The following F5 variants were observed in gnomAD, a reference collection of about 807,000 sequenced individuals.
F5 encodes the protein coagulation factor V.
Under a neutral mutation model 216.4 loss-of-function variants are expected in F5, and 138 were observed. That is an observed-to-expected ratio of 0.64 (90% CI 0.56 to 0.73). The LOEUF is 0.73. Ranked by LOEUF, F5 falls within the 30% of genes least tolerant of loss-of-function variation. F5 has a pLI of 0.00. For missense variants in F5, 2,403 were observed against 2,674.0 expected (o/e 0.90, Z 2.24); for synonymous variants, 916 against 930.7 (o/e 0.98, Z 0.29).
intron 8 of F5, 120 bp from the exon 9 acceptor site, chr1:169,550,859 T>G (rs1437405951): frequency 4.1e-6 from 3 of 738,348 alleles, no homozygotes; most frequent in Non-Finnish European, 7.2e-6. Context: ...GTACACACAG[T>G]AGGAAAATTA....
Position 169,550,550 on chromosome 1 carries a change from G to C in F5, c.1396+90C>G, listed in dbSNP as rs1660144328. 3 of 940,112 alleles carry C rather than the reference G, an allele frequency of 3.2e-6. 1 individual carries two copies. The highest frequency in any genetic ancestry group is 5.2e-6 in the Non-Finnish European group (3 of 573,884). 58.2% of individuals were successfully genotyped at this position (940,112 alleles called of 1,614,324 possible). ...ACATGTATACTACCTGACTGCAGTA[G>C]TGACACCACCGGGCAAGGAGAATAG... On this transcript the variant is annotated intron_variant, in intron 9 of 24. Coordinates refer to ENST00000367797, the MANE Select transcript of F5 (RefSeq NM_000130.5).
At chr1:169,571,413 G>A (rs888178864) in intron 3 of F5, among the ~76,000 whole-genome samples, 8 of 152,130 alleles carry the variant, frequency 5.3e-5, no homozygotes, top group African/African-American at 1.9e-4. Flanking sequence ...TTATAGATGA[G>A]AAAACTGAGG....
rs754747374 is a variant in F5, at chr1:169,541,109, A to G, written c.3981T>C (p.His1327=). ...GGCTGAAGTCTAGAGAAAGGGTTGTATGGCTGAGGTCTGGAGAAATGGGCA... is the reference window on the plus strand; with the variant it reads ...GGCTGAAGTCTAGAGAAAGGGTTGTGTGGCTGAGGTCTGGAGAAATGGGCA... ...GQMPISPDLS[H]TTLSLDFSQT... Residue 1327 remains histidine (H), a synonymous_variant, in exon 13 of 25, where the codon CAT becomes CAC. Coordinates refer to ENST00000367797, the MANE Select transcript of F5 (RefSeq NM_000130.5). 4 of 1,548,162 alleles carry G rather than the reference A, an allele frequency of 2.6e-6. No individual in the cohort carries two copies. Among genetic ancestry groups the G allele is most frequent in the Non-Finnish European group, 3.5e-6 (4 of 1,145,848 alleles).
intron 19 of F5, 123 bp from the exon 20 acceptor site, chr1:169,524,027 G>A (rs1011146905): frequency 2.5e-6 from 2 of 804,192 alleles, no homozygotes; most frequent in South Asian, 1.4e-5. Context: ...CAGGAGTCTA[G>A]GCATGGGCCT....
chr1:169,558,595 A>C (rs28665365), intron 5 of F5, among the ~76,000 whole-genome samples: 1 of 152,206 alleles, frequency 6.6e-6, no homozygotes, highest in African/African-American at 2.4e-5. Context: ...GAGAAATAGA[A>C]GAGATGTGGT....
At chr1:169,581,336 G>C (rs1660981172) in intron 2 of F5, among the ~76,000 whole-genome samples, 1 of 152,074 alleles carries the variant, frequency 6.6e-6, no homozygotes, top group African/African-American at 2.4e-5. Flanking sequence ...AAGCAGATTA[G>C]GGAAGGAATA....
chr1:169,545,979 G>A (rs367850262), intron 11 of F5, among the ~76,000 whole-genome samples: 4 of 152,140 alleles, frequency 2.6e-5, no homozygotes, highest in African/African-American at 9.7e-5. Flanking sequence ...CTTCATGCAT[G>A]CCTTTCCAAG....
chr1:169,545,910 G>A (rs193129019), intron 11 of F5, among the ~76,000 whole-genome samples: 19 of 152,246 alleles, frequency 1.2e-4, no homozygotes, highest in Admixed American at 3.3e-4. Flanking sequence ...AGCAAATGCC[G>A]GAACCCTCAT....
Position 169,520,727 on chromosome 1 carries a change from A to T in F5, c.6049-63T>A. The T allele has an allele frequency of 3.6e-6, 5 of 1,386,556 alleles. No individual in the cohort carries two copies. In the South Asian group the frequency reaches 6.1e-5, roughly 17 times the overall value. The allele number at this position is 1,386,556 out of a possible 1,614,324, so 85.9% of individuals were successfully genotyped here. A position where few individuals can be genotyped will look rare whatever the true frequency, so the allele number is the denominator to read the frequency against. Reference sequence around the variant, plus strand: ...ATCTATAAAGTGACTTTATATTAAAATTTTGATCTAATTTAATATTGTAAT... The same window carrying T: ...ATCTATAAAGTGACTTTATATTAAATTTTTGATCTAATTTAATATTGTAAT... On this transcript the variant is annotated intron_variant, in intron 21 of 24. Coordinates refer to ENST00000367797, the MANE Select transcript of F5 (RefSeq NM_000130.5).
At chr1:169,574,213 C>CCA (rs1434598460) in intron 2 of F5, among the ~76,000 whole-genome samples, 1 of 152,052 alleles carries the variant, frequency 6.6e-6, no homozygotes, top group African/African-American at 2.4e-5. Context: ...CCTGTGGATA[C>CCA]CAAGGGATGA....
Position 169,541,309 on chromosome 1 carries a change from C to G in F5, c.3781G>C (p.Glu1261Gln), listed in dbSNP as rs779105774. ...GGAGAAAGGTTTGTCTGACTGAGTTCTGGAGAGAGGTTTGTCTGGCTGAGG... is the reference window on the plus strand; with the variant it reads ...GGAGAAAGGTTTGTCTGACTGAGTTGTGGAGAGAGGTTTGTCTGGCTGAGG... ...LDLSQTNLSP[E>Q]LSQTNLSPAL... Residue 1261 changes from glutamate (E) to glutamine (Q), a missense_variant, in exon 13 of 25, where the codon GAA (glutamate) becomes CAA (glutamine). Physicochemically the swap from Glu to Gln is conservative, Grantham distance 29. Around this residue, in one of 4 missense-constraint regions of F5, gnomAD observed 1,425 missense variants for 1,554.8 expected, o/e 0.92. Coordinates refer to ENST00000367797, the MANE Select transcript of F5 (RefSeq NM_000130.5). 5.1e-6 allele frequency: 8 copies of G among 1,574,360 alleles called. No homozygotes were observed. The highest frequency in any genetic ancestry group is 1.7e-5 in the Admixed American group (1 of 57,276).
In F5 at chr1:169,542,958, T is replaced by C. The variant is rs761718315; in HGVS notation, c.2132A>G (p.Asp711Gly). The change falls in exon 13 of 25, where the codon GAT becomes GGT. Residue 711 changes from aspartate to glycine, a missense_variant. By Grantham distance (94) the Asp-to-Gly change is moderately conservative. Around this residue, in one of 4 missense-constraint regions of F5, gnomAD observed 1,425 missense variants for 1,554.8 expected, o/e 0.92. Transcript: ENST00000367797. ...STVMATRKMH[D>G]RLEPEDEESD... ...CTCTTCATCTTCAGGTTCTAAACGA[T>C]CATGCATTTTCCGTGTAGCCATGAC... is the stretch of plus-strand genomic sequence containing the variant. The C allele has an allele frequency of 1.9e-6, 3 of 1,614,108 alleles. No homozygotes were observed. The highest frequency in any genetic ancestry group is 2.5e-6 in the Non-Finnish European group (3 of 1,179,984).
At chr1:169,531,680 G>A (rs556092973) in intron 14 of F5, among the ~76,000 whole-genome samples, 3 of 152,172 alleles carry the variant, frequency 2.0e-5, no homozygotes, top group South Asian at 4.2e-4. Flanking sequence ...GGAACCTGGT[G>A]AGAAATGAGG....
At chr1:169,569,286 G>C (rs907550470) in intron 3 of F5, among the ~76,000 whole-genome samples, 5 of 152,010 alleles carry the variant, frequency 3.3e-5, no homozygotes, top group African/African-American at 1.2e-4. Flanking sequence ...TAGATACAAC[G>C]AACAATGTCT....
chr1:169,579,241 C>T (rs1660934300), intron 2 of F5, among the ~76,000 whole-genome samples: 1 of 152,144 alleles, frequency 6.6e-6, no homozygotes, highest in African/African-American at 2.4e-5. Context: ...TGACCCTTTG[C>T]CTCCAGGATA....
intron 14 of F5, among the ~76,000 whole-genome samples, chr1:169,535,003 T>C (rs1445866041): frequency 6.6e-6 from 1 of 152,134 alleles, no homozygotes; most frequent in Non-Finnish European, 1.5e-5. Context: ...AACATAAAGA[T>C]GGCAATAAAC....
At chr1:169,553,442 C>G (rs990050381) in intron 7 of F5, among the ~76,000 whole-genome samples, 4 of 152,232 alleles carry the variant, frequency 2.6e-5, no homozygotes, top group African/African-American at 9.6e-5. Flanking sequence ...GGCGCGGTGG[C>G]TCACGCCTGT....
At chr1:169,533,272 A>G (rs1659630696) in intron 14 of F5, among the ~76,000 whole-genome samples, 1 of 152,224 alleles carries the variant, frequency 6.6e-6, no homozygotes, top group South Asian at 2.1e-4. Context: ...AAAATGGATT[A>G]AAGATTTAAA....
In F5 at chr1:169,552,804, T is replaced by C. The variant is rs1458154996; in HGVS notation, c.1119-70A>G. ...GATCTCGGTAGGATGGGGAAACCCT[T>C]GTGCTTAAACATTCTGCTCTTAGAT... is the stretch of plus-strand genomic sequence containing the variant. On this transcript the variant is annotated intron_variant, in intron 7 of 24. Coordinates refer to ENST00000367797, the MANE Select transcript of F5 (RefSeq NM_000130.5). The C allele has an allele frequency of 1.2e-5, 14 of 1,190,336 alleles. No individual in the cohort carries two copies. In the East Asian group the frequency reaches 3.3e-4, roughly 28 times the overall value. The allele number at this position is 1,190,336 out of a possible 1,614,324, so 73.7% of individuals were successfully genotyped here.
Sources: gnomAD v4.1 joint callset for allele counts (sites outside exome capture counted in the v4.1 genomes callset) on GRCh38, gnomAD v4.1.1 for gene constraint, gnomAD v4.1.1 regional missense constraint, MANE v1.5 for transcripts, NCBI Gene and HGNC (gene_info 2026-07-23, HGNC 2026-07-21) for gene names.